The following PDE1B variants were observed in gnomAD, a reference collection of about 807,000 sequenced individuals.
The protein encoded by PDE1B is dual specificity calcium/calmodulin-dependent 3',5'-cyclic nucleotide phosphodiesterase 1B.
A neutral mutation model predicts 66.7 loss-of-function variants in PDE1B; 13 were observed. The observed-to-expected ratio is 0.19, with a 90% CI of 0.13 to 0.31. The LOEUF (loss-of-function observed/expected upper bound fraction) is 0.31. Ranked by LOEUF, PDE1B falls within the 10% of genes least tolerant of loss-of-function variation. The pLI is 1.00. For synonymous variants in PDE1B, 230 were observed against 253.9 expected (o/e 0.91, Z 0.90); for missense variants, 485 against 682.3 (o/e 0.71, Z 3.22).
intron 15 of PDE1B, 190 bp from the exon 16 acceptor site, chr12:54,577,670 C>G (rs117620736): frequency 0.055 from 53,519 of 972,884 alleles, 1,820 homozygotes; most frequent in Middle Eastern, 0.077. Flanking sequence ...GGGCACACAG[C>G]TCAGTGAGGG....
At chr12:54,577,584 A>G (rs1362507834) in intron 15 of PDE1B, 2 of 1,512,076 alleles carry the variant, frequency 1.3e-6, no homozygotes, top group East Asian at 2.3e-5. Context: ...CAGCAGCAGA[A>G]CAGGGTGGGC....
At chr12:54,554,772 GT>G (rs1319550855) in intron 2 of PDE1B, among the ~76,000 whole-genome samples, 1 of 152,174 alleles carries the variant, frequency 6.6e-6, no homozygotes, top group Non-Finnish European at 1.5e-5. Flanking sequence ...TTACAACGGT[GT>G]AATCTTTAAG....
In PDE1B at chr12:54,549,913, A is replaced by G. The variant is rs1957250489; in HGVS notation, c.41A>G (p.Glu14Gly). The stretch of plus-strand genomic sequence containing the variant: ...CGCAGTCCTCCGGAGATGCTGGAGG[A>G]GTCGGATTGCCCGTCACCCCTGGAG... ...SPRSPPEMLE[E>G]SDCPSPLELK... The change falls in exon 2 of 16, where the codon GAG becomes GGG. Residue 14 changes from glutamate (E) to glycine (G), a missense_variant. Physicochemically the swap from Glu to Gly is moderately conservative, Grantham distance 98. Transcript: ENST00000243052. 1.2e-6 allele frequency: 2 copies of G among 1,613,976 alleles called. No individual in the cohort carries two copies. Among genetic ancestry groups the G allele is most frequent in the Middle Eastern group, 1.6e-4 (1 of 6,062 alleles).
Position 54,572,713 on chromosome 12 carries a change from A to G in PDE1B, c.707A>G (p.His236Arg), listed in dbSNP as rs899258661. The G allele has an allele frequency of 1.9e-6, 3 of 1,614,056 alleles. No homozygotes were observed. Among genetic ancestry groups the G allele is most frequent in the Admixed American group, 3.3e-5 (2 of 60,004 alleles). Reference protein sequence around the residue: ...IHAADVTQTVHCFLLRTGMVH... With the variant: ...IHAADVTQTVRCFLLRTGMVH... ...GCAGCCGATGTTACCCAGACAGTCC[A>G]TTGCTTCTTGCTCCGCACAGGGATG... The change falls in exon 7 of 16, where the codon CAT (histidine) becomes CGT (arginine). Residue 236 changes from histidine (H) to arginine (R), a missense_variant. His to Arg is a conservative substitution (Grantham distance 29). Transcript: ENST00000243052.
chr12:54,551,411 T>A (rs555681101), intron 2 of PDE1B, among the ~76,000 whole-genome samples: 1 of 152,324 alleles, frequency 6.6e-6, no homozygotes, highest in Non-Finnish European at 1.5e-5. Context: ...TGGAATGAGT[T>A]CTGGGATGAA....
At chr12:54,558,371 C>G (rs1388212303) in intron 2 of PDE1B, among the ~76,000 whole-genome samples, 4 of 151,236 alleles carry the variant, frequency 2.6e-5, no homozygotes, top group African/African-American at 9.7e-5. Context: ...GCTCCTCTGT[C>G]CAGTGCTGAG....
intron 2 of PDE1B, 51 bp downstream of exon 2, chr12:54,550,036 GGGA>G (rs1173111333): frequency 6.3e-7 from 1 of 1,587,736 alleles, no homozygotes; most frequent in East Asian, 2.3e-5. Context: ...GAGCCTGAGC[GGGA>G]GGAGGAGGGG....
At position 54,549,605 on chromosome 12, in the gene PDE1B, C is replaced by CGCGGCGGCG; in HGVS notation, c.-173_-165dup. Reference sequence around the variant, plus strand: ...AGGCGAGGAGGCGGCTCTGGCAGCGCGCGGCGGCGGCGGCGGTAGCGGCAG... The same window carrying CGCGGCGGCG: ...AGGCGAGGAGGCGGCTCTGGCAGCGCGCGGCGGCGGCGGCGGCGGCGGCGGTAGCGGCAG... On this transcript the variant is annotated 5_prime_UTR_variant, in exon 1 of 16. Transcript: ENST00000243052. 2 of 448,750 alleles carry CGCGGCGGCG rather than the reference C, an allele frequency of 4.5e-6. No homozygotes were observed. Among genetic ancestry groups the CGCGGCGGCG allele is most frequent in the South Asian group, 6.4e-5 (2 of 31,300 alleles). The allele number at this position is 448,750 out of a possible 1,614,324, so 27.8% of individuals were successfully genotyped here.
Position 54,549,912 on chromosome 12 carries a change from G to A in PDE1B, c.40G>A (p.Glu14Lys), listed in dbSNP as rs758210013. 9.9e-6 allele frequency: 16 copies of A among 1,614,074 alleles called. No homozygotes were observed. The Admixed American group carries it at 1.0e-4, about 10-fold the overall frequency. ...CCGCAGTCCTCCGGAGATGCTGGAG[G>A]AGTCGGATTGCCCGTCACCCCTGGA... The part of the protein sequence containing the change: ...SPRSPPEMLE[E>K]SDCPSPLELK... Residue 14 changes from glutamate to lysine, a missense_variant, in exon 2 of 16, where the codon GAG becomes AAG. By Grantham distance (56) the Glu-to-Lys change is moderately conservative. This residue lies in a region of PDE1B where 74 missense variants were observed against 78.7 expected (regional missense o/e 0.94). Coordinates refer to ENST00000243052, the MANE Select transcript of PDE1B (RefSeq NM_000924.4).
Position 54,578,029 on chromosome 12 carries a change from T to A in PDE1B, c.*187T>A, listed in dbSNP as rs1317625712. 1 of 152,446 alleles carries A rather than the reference T, an allele frequency of 6.6e-6. No homozygotes were observed. Among genetic ancestry groups the A allele is most frequent in the African/African-American group, 2.4e-5 (1 of 41,372 alleles). 9.4% of individuals were successfully genotyped at this position (152,446 alleles called of 1,614,324 possible). A position where few individuals can be genotyped will look rare whatever the true frequency, so the allele number is the denominator to read the frequency against. Reference sequence around the variant, plus strand: ...CCTCCCCACCTGACACCCACTGGGGTGCACTTTAATGTTCCGGCAGCAAGA... The same window carrying A: ...CCTCCCCACCTGACACCCACTGGGGAGCACTTTAATGTTCCGGCAGCAAGA... On this transcript the variant is annotated 3_prime_UTR_variant, in exon 16 of 16. Coordinates refer to ENST00000243052, the MANE Select transcript of PDE1B (RefSeq NM_000924.4).
rs190190688 is a variant in PDE1B, at chr12:54,554,930, G to A, written c.113+4945G>A. ...GAATGGGAATGGATGGGCAACTATT[G>A]GCTGGGATGAGGGAGACAAAGATTC... On this transcript the variant is annotated intron_variant, in intron 2 of 15. Coordinates refer to ENST00000243052, the MANE Select transcript of PDE1B (RefSeq NM_000924.4). Among the ~76,000 whole-genome samples, 304 of 152,278 alleles carry A rather than the reference G, an allele frequency of 2.0e-3. 1 individual carries two copies. The highest frequency in any genetic ancestry group is 7.1e-3 in the African/African-American group (294 of 41,546).
rs1957584324 is a variant in PDE1B, at chr12:54,569,752, G to A, written c.477+140G>A. On this transcript the variant is annotated intron_variant, in intron 5 of 15. Coordinates refer to ENST00000243052, the MANE Select transcript of PDE1B (RefSeq NM_000924.4). This position sits in a 1 kb window ranked among gnomAD's most constrained non-coding sequence, Gnocchi z 4.4. Reference sequence around the variant, plus strand: ...AGTCTCGCTCTTGTCACTCAGGCTGGAGTGCAGTGGCGTGATCTCGTCTCA... The same window carrying A: ...AGTCTCGCTCTTGTCACTCAGGCTGAAGTGCAGTGGCGTGATCTCGTCTCA... The A allele has an allele frequency of 1.6e-6, 1 of 633,266 alleles. No homozygotes were observed. Among genetic ancestry groups the A allele is most frequent in the East Asian group, 2.8e-5 (1 of 35,634 alleles). 39.2% of individuals were successfully genotyped at this position (633,266 alleles called of 1,614,324 possible). A position where few individuals can be genotyped will look rare whatever the true frequency, so the allele number is the denominator to read the frequency against.
intron 14 of PDE1B, 135 bp downstream of exon 14, chr12:54,576,836 C>T: frequency 1.1e-6 from 1 of 880,394 alleles, no homozygotes; most frequent in Admixed American, 2.3e-5. Flanking sequence ...CTGATCAGAC[C>T]AGTTAGATCA....
intron 3 of PDE1B, among the ~76,000 whole-genome samples, chr12:54,567,751 A>G (rs995323296): frequency 6.6e-6 from 1 of 152,092 alleles, no homozygotes; most frequent in Non-Finnish European, 1.5e-5. Context: ...CTGGGTGGCT[A>G]TTGAGCACCT....
At chr12:54,576,153 G>A in intron 13 of PDE1B, 53 bp downstream of exon 13, 1 of 1,076,584 alleles carries the variant, frequency 9.3e-7, no homozygotes, top group Admixed American at 1.7e-5. Context: ...CAGTGGTAGG[G>A]AGGGATTTGG....
rs768806342 is a variant in PDE1B at position 54,569,295 on chromosome 12, C to T, written c.339C>T (p.Gly113=). The T allele has an allele frequency of 3.1e-6, 5 of 1,614,024 alleles. No individual in the cohort carries two copies. The South Asian group carries it at 4.4e-5, about 14-fold the overall frequency. The part of the protein sequence containing the change: ...STFTQQARAK[G]RRAEEKPKFR... ...TCACCCAGCAGGCCCGGGCCAAAGGCCGCCGAGCAGAGGAGAAGCCCAAGT... is the reference window on the plus strand; with the variant it reads ...TCACCCAGCAGGCCCGGGCCAAAGGTCGCCGAGCAGAGGAGAAGCCCAAGT... Residue 113 remains glycine (G), a synonymous_variant, in exon 4 of 16, where the codon GGC becomes GGT. Transcript: ENST00000243052. The surrounding 1 kb of genome is among the most constrained non-coding windows in gnomAD (Gnocchi z 4.4).
At position 54,573,749 on chromosome 12, in the gene PDE1B, G is replaced by C; in HGVS notation, c.1064+40G>C. 1 of 1,482,450 alleles carries C rather than the reference G, an allele frequency of 6.7e-7. No individual in the cohort carries two copies. The highest frequency in any genetic ancestry group is 1.7e-4 in the Middle Eastern group (1 of 5,786). 91.8% of individuals were successfully genotyped at this position (1,482,450 alleles called of 1,614,324 possible). A position where few individuals can be genotyped will look rare whatever the true frequency, so the allele number is the denominator to read the frequency against. On this transcript the variant is annotated intron_variant, in intron 10 of 15. Transcript: ENST00000243052. The surrounding 1 kb of genome is among the most constrained non-coding windows in gnomAD (Gnocchi z 5.2). ...GGTGTGGCTGGGGCCAGGCCAGAGGGAGGGGTGTGTGAACTGGGGGGGTAT... is the reference window on the plus strand; with the variant it reads ...GGTGTGGCTGGGGCCAGGCCAGAGGCAGGGGTGTGTGAACTGGGGGGGTAT...
intron 13 of PDE1B, chr12:54,576,341 G>A: frequency 1.6e-6 from 1 of 613,904 alleles, no homozygotes; most frequent in Admixed American, 2.9e-5. Flanking sequence ...TCTGCCTTCT[G>A]GCTAATCTTG....
At chr12:54,557,094 C>A (rs1004784061) in intron 2 of PDE1B, among the ~76,000 whole-genome samples, 3 of 152,164 alleles carry the variant, frequency 2.0e-5, no homozygotes, top group Non-Finnish European at 4.4e-5. Flanking sequence ...TGAGTGAACA[C>A]ACAGGCCAAC....
Sources: gnomAD v4.1 joint callset for allele counts (sites outside exome capture counted in the v4.1 genomes callset) on GRCh38, gnomAD v4.1.1 for gene constraint, gnomAD v4.1.1 regional missense constraint, Gnocchi (gnomAD v3.1) non-coding constraint, MANE v1.5 for transcripts, NCBI Gene and HGNC (gene_info 2026-07-23, HGNC 2026-07-21) for gene names.